The following SDK1 variants were observed in gnomAD, a reference collection of about 807,000 sequenced individuals.
The protein encoded by SDK1 is protein sidekick-1.
SDK1 carries 157 observed loss-of-function variants against 245.5 expected under a neutral mutation model. The observed-to-expected ratio is 0.64, with a 90% confidence interval of 0.56 to 0.73. The LOEUF is 0.73. Among genes scored for constraint, SDK1 ranks in the 30% least tolerant of loss-of-function variants. SDK1 has a pLI of 0.00. For synonymous variants in SDK1, 1,647 were observed against 1,278.5 expected (o/e 1.29, Z -6.15); for missense variants, 3,583 against 3,002.3 (o/e 1.19, Z -4.52).
chr7:4,018,447 A>T (rs184182890), intron 17 of SDK1, among the ~76,000 whole-genome samples: 1 of 152,340 alleles, frequency 6.6e-6, no homozygotes, highest in East Asian at 1.9e-4. Context: ...TAGAAGAAAT[A>T]TTTAAAATGC....
chr7:3,834,689 C>T (rs185820914), intron 5 of SDK1, among the ~76,000 whole-genome samples: 1 of 152,266 alleles, frequency 6.6e-6, no homozygotes, highest in East Asian at 1.9e-4. Flanking sequence ...CAAGAGAATC[C>T]TTATTGATAA....
rs1252373024 is a variant in SDK1 at position 3,466,628 on chromosome 7, T to G, written c.299-152452T>G. On this transcript the variant is annotated intron_variant, in intron 1 of 44. Transcript: ENST00000404826. ...TTTGAGCATGTTCCATATCCATGTTTCATGTGAAATTGCTTGTCATTCTTG... is the reference window on the plus strand; with the variant it reads ...TTTGAGCATGTTCCATATCCATGTTGCATGTGAAATTGCTTGTCATTCTTG... 1.3e-5 allele frequency among the ~76,000 whole-genome samples: 2 copies of G among 151,492 alleles called. 1 individual carries two copies. The highest frequency in any genetic ancestry group is 4.2e-4 in the South Asian group (2 of 4,754).
intron 5 of SDK1, among the ~76,000 whole-genome samples, chr7:3,900,846 A>G (rs1196823348): frequency 2.0e-5 from 3 of 152,156 alleles, no homozygotes; most frequent in Admixed American, 6.5e-5. Context: ...GCGATCTTCA[A>G]CATAACCACC....
chr7:3,327,240 T>A (rs1302104137), intron 1 of SDK1, among the ~76,000 whole-genome samples: 1 of 152,134 alleles, frequency 6.6e-6, no homozygotes, highest in African/African-American at 2.4e-5. Flanking sequence ...CAGGTGGGGA[T>A]CTTCAGTTTA....
At chr7:3,452,480 A>G (rs1780545424) in intron 1 of SDK1, among the ~76,000 whole-genome samples, 1 of 152,330 alleles carries the variant, frequency 6.6e-6, no homozygotes, top group Middle Eastern at 3.4e-3. Flanking sequence ...TATAATTAGT[A>G]TGTCAAAAAA....
chr7:3,641,125 T>A (rs1782635794), intron 3 of SDK1, among the ~76,000 whole-genome samples: 1 of 152,222 alleles, frequency 6.6e-6, no homozygotes, highest in Non-Finnish European at 1.5e-5. Flanking sequence ...CACTGTCACA[T>A]AGAAAATGTC....
chr7:3,803,967 T>C (rs918915454), intron 4 of SDK1, among the ~76,000 whole-genome samples: 1 of 152,122 alleles, frequency 6.6e-6, no homozygotes, highest in African/African-American at 2.4e-5. Flanking sequence ...GGTTTCACCA[T>C]GTTAGCCAGG....
At chr7:3,530,879 T>A (rs1012395758) in intron 1 of SDK1, among the ~76,000 whole-genome samples, 2 of 152,216 alleles carry the variant, frequency 1.3e-5, no homozygotes, top group Non-Finnish European at 2.9e-5. Flanking sequence ...ATAAAAACAT[T>A]GTCCACAAGT....
intron 5 of SDK1, among the ~76,000 whole-genome samples, chr7:3,909,559 T>G (rs1779082377): frequency 6.6e-6 from 1 of 152,244 alleles, no homozygotes; most frequent in Non-Finnish European, 1.5e-5. Flanking sequence ...AAGGGGACAG[T>G]GACGGTGTTA....
intron 4 of SDK1, among the ~76,000 whole-genome samples, chr7:3,708,053 C>T (rs1022777350): frequency 3.9e-5 from 6 of 152,064 alleles, no homozygotes; most frequent in Non-Finnish European, 2.9e-5. Context: ...GTACAGGAAG[C>T]GTGATGCTGC....
At chr7:3,471,067 T>G (rs1020855669) in intron 1 of SDK1, among the ~76,000 whole-genome samples, 59 of 152,292 alleles carry the variant, frequency 3.9e-4, no homozygotes, top group African/African-American at 1.4e-3. Context: ...TTTTATCTGT[T>G]TGAGGACTAT....
At chr7:3,477,424 G>A (rs553946178) in intron 1 of SDK1, among the ~76,000 whole-genome samples, 2 of 151,284 alleles carry the variant, frequency 1.3e-5, no homozygotes, top group African/African-American at 2.4e-5. Context: ...TTGAACTCCC[G>A]ACCTCAGGTG....
At position 4,267,963 on chromosome 7, in the gene SDK1, G is replaced by A. The variant is rs142673632; in HGVS notation, c.*2579G>A. On this transcript the variant is annotated 3_prime_UTR_variant, in exon 45 of 45. Coordinates refer to ENST00000404826, the MANE Select transcript of SDK1 (RefSeq NM_152744.4). ...GGCCTCCCAGAGCAATGCGGCATTT[G>A]AGAAGCAACAGTTCCTAACTCCTTA... 7.4e-4 allele frequency: 726 copies of A among 985,504 alleles called. 7 individuals are homozygous for A. In the African/African-American group the frequency reaches 0.012, roughly 16 times the overall value. 61.0% of individuals were successfully genotyped at this position (985,504 alleles called of 1,614,324 possible).
chr7:3,777,024 C>G (rs920734885), intron 4 of SDK1, among the ~76,000 whole-genome samples: 1 of 152,194 alleles, frequency 6.6e-6, no homozygotes, highest in Non-Finnish European at 1.5e-5. Flanking sequence ...CCCAGCGCCT[C>G]AGATACCTGC....
intron 1 of SDK1, among the ~76,000 whole-genome samples, chr7:3,611,774 C>CTA (rs1253026019): frequency 6.6e-6 from 1 of 151,930 alleles, no homozygotes; most frequent in Non-Finnish European, 1.5e-5. Context: ...AACCACAATG[C>CTA]TATGCCTCCT....
At chr7:3,779,901 C>T (rs28375983) in intron 4 of SDK1, among the ~76,000 whole-genome samples, 2,992 of 146,730 alleles carry the variant, frequency 0.02, 38 homozygotes, top group Non-Finnish European at 0.027. Flanking sequence ...CACTGCAGTC[C>T]GCAGTCCGGC....
chr7:3,415,263 G>A (rs754685761), intron 1 of SDK1, among the ~76,000 whole-genome samples: 22 of 152,156 alleles, frequency 1.4e-4, no homozygotes, highest in Non-Finnish European at 2.9e-4. Context: ...GTTCATTCAT[G>A]CATTGGTTAA....
intron 4 of SDK1, among the ~76,000 whole-genome samples, chr7:3,820,458 T>A (rs561996619): frequency 1.8e-3 from 269 of 152,316 alleles, no homozygotes; most frequent in Non-Finnish European, 3.3e-3. Flanking sequence ...CATACTTTTT[T>A]AAACAAATTT....
In SDK1 at chr7:3,509,883, C is replaced by T. The variant is rs931623227; in HGVS notation, c.299-109197C>T. 5.9e-5 allele frequency among the ~76,000 whole-genome samples: 9 copies of T among 152,246 alleles called. No individual in the cohort carries two copies. In the South Asian group the frequency reaches 6.2e-4, roughly 11 times the overall value. On this transcript the variant is annotated intron_variant, in intron 1 of 44. Coordinates refer to ENST00000404826, the MANE Select transcript of SDK1 (RefSeq NM_152744.4). The stretch of plus-strand genomic sequence containing the variant: ...TCAGTGGTTCTCAGTTCAGACTGCA[C>T]GTTAGAATCACCTAGTGGGCTTTTA...
Sources: gnomAD v4.1 joint callset for allele counts (sites outside exome capture counted in the v4.1 genomes callset) on GRCh38, gnomAD v4.1.1 for gene constraint, MANE v1.5 for transcripts, NCBI Gene and HGNC (gene_info 2026-07-23, HGNC 2026-07-21) for gene names.